Variants in ARHGAP42 observed in about 807,000 individuals in gnomAD.
The protein encoded by ARHGAP42 is Rho GTPase activating protein 42.
ARHGAP42 carries 63 observed loss-of-function variants against 125.0 expected under a neutral mutation model. That is an observed-to-expected ratio of 0.50 (90% CI 0.41 to 0.62). ARHGAP42 has a LOEUF of 0.62. Ranked by LOEUF, ARHGAP42 falls within the 20% of genes least tolerant of loss-of-function variation. The probability of loss-of-function intolerance (pLI) is 0.00; values close to 1 mark genes in which losing one functional copy is unlikely to be tolerated. For missense variants in ARHGAP42, 766 were observed against 1,024.2 expected, an observed-to-expected ratio of 0.75 and a Z score of 3.44; for synonymous variants, 339 against 351.0, an observed-to-expected ratio of 0.97 and a Z score of 0.38.
intron 3 of ARHGAP42, among the ~76,000 whole-genome samples, chr11:100,846,953 G>A (rs111673356): frequency 4.1e-4 from 62 of 152,176 alleles, no homozygotes; most frequent in African/African-American, 1.3e-3. Flanking sequence ...CAATAGGATG[G>A]CACCAGGTTC....
intron 1 of ARHGAP42, among the ~76,000 whole-genome samples, chr11:100,735,307 C>G (rs1862043358): frequency 1.3e-5 from 2 of 152,104 alleles, no homozygotes. Context: ...TTTAGTTTCT[C>G]TTTGTGAGTG....
At chr11:100,842,703 C>CTGCTCCTA (rs554976705) in intron 3 of ARHGAP42, among the ~76,000 whole-genome samples, 301 of 152,128 alleles carry the variant, frequency 2.0e-3, no homozygotes, top group African/African-American at 6.8e-3. Context: ...AATTAAATAG[C>CTGCTCCTA]CTGCTCCTAA....
chr11:100,944,429 G>C (rs1183359742), intron 10 of ARHGAP42, among the ~76,000 whole-genome samples: 1 of 152,072 alleles, frequency 6.6e-6, no homozygotes, highest in Non-Finnish European at 1.5e-5. Flanking sequence ...CTTGCTCTCT[G>C]CTCTGTAATC....
At chr11:100,777,898 C>G (rs1863168775) in intron 2 of ARHGAP42, among the ~76,000 whole-genome samples, 1 of 152,126 alleles carries the variant, frequency 6.6e-6, no homozygotes, top group African/African-American at 2.4e-5. Flanking sequence ...AAAGGTAGAA[C>G]TGGGCGGGGT....
At chr11:100,851,744 A>G (rs528563908) in intron 3 of ARHGAP42, among the ~76,000 whole-genome samples, 20 of 152,330 alleles carry the variant, frequency 1.3e-4, no homozygotes, top group Non-Finnish European at 2.4e-4. Flanking sequence ...CTCAGAACAC[A>G]TGCCCATTGT....
chr11:100,872,287 C>A (rs1462337085), intron 4 of ARHGAP42, among the ~76,000 whole-genome samples: 1 of 152,124 alleles, frequency 6.6e-6, no homozygotes. Context: ...ATCTCAGCAG[C>A]CCCTTAAGGA....
intron 1 of ARHGAP42, among the ~76,000 whole-genome samples, chr11:100,735,001 A>G (rs1862036495): frequency 6.6e-6 from 1 of 151,272 alleles, no homozygotes; most frequent in Non-Finnish European, 1.5e-5. Flanking sequence ...CTACAACAAC[A>G]AAACAACAAC....
intron 1 of ARHGAP42, among the ~76,000 whole-genome samples, chr11:100,733,561 T>C (rs931725482): frequency 3.3e-5 from 5 of 152,130 alleles, no homozygotes; most frequent in African/African-American, 1.2e-4. Context: ...CTGTGGCTCA[T>C]GCCTGTAATC....
intron 4 of ARHGAP42, among the ~76,000 whole-genome samples, chr11:100,902,937 A>G (rs1158579510): frequency 1.3e-5 from 2 of 152,090 alleles, no homozygotes; most frequent in Non-Finnish European, 2.9e-5. Flanking sequence ...TTGCTTGCTT[A>G]CCCAATGAAC....
chr11:100,892,730 T>C (rs1280917195), intron 4 of ARHGAP42, among the ~76,000 whole-genome samples: 1 of 152,180 alleles, frequency 6.6e-6, no homozygotes, highest in Non-Finnish European at 1.5e-5. Flanking sequence ...TGCCTGCCCT[T>C]AAAATAAAAG....
At chr11:100,723,270 G>T (rs1419455238) in intron 1 of ARHGAP42, among the ~76,000 whole-genome samples, 1 of 152,020 alleles carries the variant, frequency 6.6e-6, no homozygotes, top group South Asian at 2.1e-4. Flanking sequence ...TGCATCCTTC[G>T]CCTTTCAGTA....
chr11:100,783,220 G>A (rs1055897314), intron 2 of ARHGAP42, among the ~76,000 whole-genome samples: 2 of 152,186 alleles, frequency 1.3e-5, no homozygotes, highest in African/African-American at 4.8e-5. Flanking sequence ...TGGATTGCTT[G>A]AGCCCAGGAG....
intron 7 of ARHGAP42, 74 bp downstream of exon 7, chr11:100,933,334 T>A: frequency 8.9e-7 from 1 of 1,125,132 alleles, no homozygotes; most frequent in South Asian, 1.7e-5. Context: ...TAATTACAAT[T>A]TTTTTCTAGC....
intron 1 of ARHGAP42, among the ~76,000 whole-genome samples, chr11:100,751,275 G>GTTTTTTTTTTTTTTTTTTTTT (rs1862446648): frequency 8.2e-6 from 1 of 122,506 alleles, no homozygotes; most frequent in Non-Finnish European, 1.7e-5. Flanking sequence ...TAGTGTGTGT[G>GTTTTTTTTTTTTTTTTTTTTT]TGTGTTTTTT....
At chr11:100,697,110 C>T (rs1273691953) in intron 1 of ARHGAP42, among the ~76,000 whole-genome samples, 4 of 151,850 alleles carry the variant, frequency 2.6e-5, no homozygotes, top group Admixed American at 6.6e-5. Flanking sequence ...TAGGTGGAAA[C>T]GGAATGACAT....
chr11:100,878,425 T>A (rs1336031689), intron 4 of ARHGAP42, among the ~76,000 whole-genome samples: 2 of 152,200 alleles, frequency 1.3e-5, no homozygotes, highest in African/African-American at 4.8e-5. Flanking sequence ...TAGGAGGGAA[T>A]AGGTCCTCTG....
At chr11:100,774,733 T>C (rs6590821) in intron 2 of ARHGAP42, among the ~76,000 whole-genome samples, 80,651 of 151,918 alleles carry the variant, frequency 0.53, 22,477 homozygotes, top group African/African-American at 0.72. Context: ...GGTGGTGTTA[T>C]TCTATCAGTA....
intron 3 of ARHGAP42, among the ~76,000 whole-genome samples, chr11:100,836,605 G>A (rs1457509796): frequency 1.3e-5 from 2 of 151,716 alleles, no homozygotes; most frequent in Non-Finnish European, 2.9e-5. Flanking sequence ...ATAAAATGAT[G>A]ACTGTAAAAT....
chr11:100,697,930 T>G (rs1437348070), intron 1 of ARHGAP42, among the ~76,000 whole-genome samples: 1 of 152,172 alleles, frequency 6.6e-6, no homozygotes, highest in Non-Finnish European at 1.5e-5. Flanking sequence ...CATATTATGG[T>G]TTTGGAACTT....
Sources: allele counts gnomAD v4.1 joint callset (sites outside exome capture counted in the v4.1 genomes callset), GRCh38; gene constraint gnomAD v4.1.1; transcripts MANE v1.5; gene names NCBI Gene and HGNC (gene_info 2026-07-23, HGNC 2026-07-21).